ASB5: variants seen among roughly 807,000 people sequenced by gnomAD.
ASB5 encodes the protein ankyrin repeat and SOCS box containing 5.
A neutral mutation model predicts 42.1 loss-of-function variants in ASB5; 45 were observed. That is an observed-to-expected ratio of 1.07 (90% CI 0.84 to 1.37). The LOEUF (loss-of-function observed/expected upper bound fraction) is 1.37, where lower values mean the gene tolerates loss of function less well. Among genes scored for constraint, ASB5 ranks in the 40% most tolerant of loss-of-function variants. ASB5 has a pLI of 0.00. For missense variants in ASB5, 402 were observed against 399.8 expected (o/e 1.01, Z -0.05); for synonymous variants, 147 against 150.6 (o/e 0.98, Z 0.18).
At chr4:176,228,832 G>C (rs1323873297) in intron 1 of ASB5, among the ~76,000 whole-genome samples, 2 of 152,066 alleles carry the variant, frequency 1.3e-5, no homozygotes, top group African/African-American at 4.8e-5. Flanking sequence ...GCCAGTTCCG[G>C]CTTCTAAGAT....
At chr4:176,234,736 T>C (rs1485051714) in intron 1 of ASB5, among the ~76,000 whole-genome samples, 1 of 152,206 alleles carries the variant, frequency 6.6e-6, no homozygotes, top group Non-Finnish European at 1.5e-5. Flanking sequence ...AATCAAGGGC[T>C]GTGAAAGGAG....
rs962358794 is a variant in ASB5 at position 176,214,668 on chromosome 4, A to T, written c.*932T>A. Reference sequence around the variant, plus strand: ...GGCACCCACTCTTTAAAAACTCCACAATTTGAGTTTTTAATCTTCCATTTT... The same window carrying T: ...GGCACCCACTCTTTAAAAACTCCACTATTTGAGTTTTTAATCTTCCATTTT... On this transcript the variant is annotated 3_prime_UTR_variant, in exon 7 of 7. Transcript: ENST00000296525. The T allele has an allele frequency of 3.7e-4, 57 of 152,180 alleles. No homozygotes were observed. The highest frequency in any genetic ancestry group is 1.3e-3 in the African/African-American group (55 of 41,528). 9.4% of individuals were successfully genotyped at this position (152,180 alleles called of 1,614,324 possible). A position where few individuals can be genotyped will look rare whatever the true frequency, so the allele number is the denominator to read the frequency against.
intron 1 of ASB5, among the ~76,000 whole-genome samples, chr4:176,238,898 T>C (rs1331649553): frequency 6.6e-6 from 1 of 152,218 alleles, no homozygotes; most frequent in Non-Finnish European, 1.5e-5. Context: ...GTTCTAATCC[T>C]ACCAGCTGTT....
At chr4:176,253,850 C>G (rs1560818613) in intron 1 of ASB5, among the ~76,000 whole-genome samples, 1 of 152,156 alleles carries the variant, frequency 6.6e-6, no homozygotes, top group African/African-American at 2.4e-5. Context: ...ATGAATGTAT[C>G]TAACCCAGAG....
chr4:176,228,006 A>C (rs1753426938), intron 1 of ASB5, among the ~76,000 whole-genome samples: 1 of 152,228 alleles, frequency 6.6e-6, no homozygotes, highest in Non-Finnish European at 1.5e-5. Context: ...GATAAAGTTT[A>C]CTGCAACAAG....
At chr4:176,221,767 G>A (rs1202009714) in intron 3 of ASB5, among the ~76,000 whole-genome samples, 167 bp from the exon 4 acceptor site, 11 of 152,074 alleles carry the variant, frequency 7.2e-5, no homozygotes, top group Admixed American at 7.2e-4. Context: ...AAGAAAAGCT[G>A]TAAAACAGAC....
At chr4:176,266,485 A>G (rs1425381138) in intron 1 of ASB5, among the ~76,000 whole-genome samples, 2 of 152,204 alleles carry the variant, frequency 1.3e-5, no homozygotes, top group Non-Finnish European at 2.9e-5. Flanking sequence ...TAGTTTACTT[A>G]TAGTAAATAA....
chr4:176,225,459 G>T (rs1753350449), intron 1 of ASB5, 118 bp from the exon 2 acceptor site: 2 of 851,838 alleles, frequency 2.3e-6, no homozygotes, highest in East Asian at 2.6e-5. Context: ...TGTTCAACAG[G>T]GTGAGCCAGA....
intron 1 of ASB5, among the ~76,000 whole-genome samples, chr4:176,232,708 T>C (rs1825232): frequency 0.21 from 31,732 of 152,106 alleles, 3,380 homozygotes; most frequent in East Asian, 0.25. Flanking sequence ...CCTTGAAACA[T>C]GGTTTCAAGG....
At chr4:176,264,334 C>T (rs1462999449) in intron 1 of ASB5, among the ~76,000 whole-genome samples, 2 of 152,122 alleles carry the variant, frequency 1.3e-5, no homozygotes, top group African/African-American at 4.8e-5. Context: ...AGTGGACTTA[C>T]AACTCAATGA....
intron 6 of ASB5, among the ~76,000 whole-genome samples, chr4:176,216,379 T>G (rs561848915): frequency 4.2e-4 from 64 of 151,974 alleles, no homozygotes; most frequent in Non-Finnish European, 8.4e-4. Context: ...TTAGATGGAG[T>G]CTCACTCTGT....
At chr4:176,221,688 C>A (rs1753216535) in intron 3 of ASB5, 88 bp from the exon 4 acceptor site, 3 of 1,251,214 alleles carry the variant, frequency 2.4e-6, no homozygotes, top group Non-Finnish European at 3.2e-6. Context: ...ATGTGATTTG[C>A]TAACAGAAAT....
chr4:176,217,005 A>G lies in ASB5; in HGVS notation c.675T>C (p.Ala225=). Residue 225 remains alanine, a synonymous_variant, in exon 6 of 7, where the codon GCT becomes GCC. Coordinates refer to ENST00000296525, the MANE Select transcript of ASB5 (RefSeq NM_080874.4). ...HCIWKLLYAG[A]DVQKGKYWDT... Reference sequence around the variant, plus strand: ...CCCAATATTTGCCTTTCTGTACGTCAGCACCTACATGTAATACGGAGTGAA... The same window carrying G: ...CCCAATATTTGCCTTTCTGTACGTCGGCACCTACATGTAATACGGAGTGAA... The G allele has an allele frequency of 6.2e-7, 1 of 1,602,610 alleles. No individual in the cohort carries two copies. Among genetic ancestry groups the G allele is most frequent in the Non-Finnish European group, 8.5e-7 (1 of 1,175,038 alleles).
intron 1 of ASB5, among the ~76,000 whole-genome samples, chr4:176,248,708 G>A (rs1753959331): frequency 6.6e-6 from 1 of 152,086 alleles, no homozygotes; most frequent in South Asian, 2.1e-4. Flanking sequence ...ACTGTTCATT[G>A]TAAAAGTAAA....
intron 2 of ASB5, among the ~76,000 whole-genome samples, chr4:176,274,934 A>G (rs796213989): frequency 1.0e-4 from 6 of 57,406 alleles, no homozygotes; most frequent in African/African-American, 4.3e-4. Flanking sequence ...TTTTTTTTTG[A>G]GATGGAGTCT....
chr4:176,256,055 T>C (rs1003948482), intron 1 of ASB5, among the ~76,000 whole-genome samples: 5 of 152,202 alleles, frequency 3.3e-5, no homozygotes, highest in Non-Finnish European at 5.9e-5. Flanking sequence ...GGGGCTGTCA[T>C]ATATGGCTGT....
chr4:176,268,906 A>G lies in ASB5; in HGVS notation c.196+7T>C. ...CTTGAAACAAGAGAGGATTATCATA[A>G]ACATACCTTGTCCTTGGGTTACTCC... On this transcript the variant is annotated splice_region_variant and intron_variant, in intron 1 of 6. Coordinates refer to ENST00000296525, the MANE Select transcript of ASB5 (RefSeq NM_080874.4). The G allele has an allele frequency of 6.2e-7, 1 of 1,600,330 alleles. No individual in the cohort carries two copies. The highest frequency in any genetic ancestry group is 8.5e-7 in the Non-Finnish European group (1 of 1,173,440).
chr4:176,247,829 C>G (rs769079858), intron 1 of ASB5, among the ~76,000 whole-genome samples: 7 of 152,082 alleles, frequency 4.6e-5, no homozygotes, highest in Non-Finnish European at 1.0e-4. Flanking sequence ...TTCTGTTCAC[C>G]AGTAGAAACA....
intron 1 of ASB5, among the ~76,000 whole-genome samples, chr4:176,264,415 T>G (rs1439572441): frequency 1.3e-5 from 2 of 152,226 alleles, no homozygotes; most frequent in East Asian, 3.9e-4. Context: ...AAATGCCAGA[T>G]GGACTAAAAC....
Sources: gnomAD v4.1 joint callset for allele counts (sites outside exome capture counted in the v4.1 genomes callset) on GRCh38, gnomAD v4.1.1 for gene constraint, MANE v1.5 for transcripts, NCBI Gene and HGNC (gene_info 2026-07-23, HGNC 2026-07-21) for gene names.